PADI2: variants seen among roughly 807,000 people sequenced by gnomAD.
PADI2 encodes protein-arginine deiminase type-2.
Under a neutral mutation model 81.1 loss-of-function variants are expected in PADI2, and 70 were observed. That is an observed-to-expected ratio of 0.86 (90% CI 0.71 to 1.05). The LOEUF (loss-of-function observed/expected upper bound fraction) is 1.05. Ranked by LOEUF, PADI2 falls within the 50% of genes least tolerant of loss-of-function variation. PADI2 has a pLI of 0.00. For synonymous variants in PADI2, 338 were observed against 358.0 expected (o/e 0.94, Z 0.63); for missense variants, 853 against 889.9 (o/e 0.96, Z 0.53).
Position 17,104,939 on chromosome 1 carries a change from G to T in PADI2, c.215C>A (p.Ser72Ter). ...GGTGACCCGCAGGGTGGTGCTGGGC[G>T]AGAGAAGCCAGCGCTGCTTGCCATT... ...ATNGKQRWLL[S>*]PSTTLRVTMS... The change falls in exon 2 of 16, where the codon TCG (serine) becomes TAG (stop). Residue 72 changes from serine (S) to a stop codon, truncating the protein, a stop_gained. Coordinates refer to ENST00000375486, the MANE Select transcript of PADI2 (RefSeq NM_007365.3). LOFTEE classifies it high-confidence loss of function. 1 of 1,606,676 alleles carries T rather than the reference G, an allele frequency of 6.2e-7. No homozygotes were observed. Among genetic ancestry groups the T allele is most frequent in the Non-Finnish European group, 8.5e-7 (1 of 1,178,538 alleles).
At chr1:17,088,672 GC>G (rs139593549) in intron 6 of PADI2, among the ~76,000 whole-genome samples, 3,061 of 152,196 alleles carry the variant, frequency 0.02, 95 homozygotes, top group African/African-American at 0.069. Flanking sequence ...ACTTTGGGAT[GC>G]TGAGGCGGGC....
chr1:17,081,045 C>A (rs539401316), intron 10 of PADI2, among the ~76,000 whole-genome samples: 1 of 152,294 alleles, frequency 6.6e-6, no homozygotes, highest in East Asian at 1.9e-4. Flanking sequence ...CTGGCCTGGG[C>A]CTCAAGGAAC....
At chr1:17,075,640 T>C (rs3818034) in intron 12 of PADI2, 39 bp downstream of exon 12, 998,175 of 1,577,790 alleles carry the variant, frequency 0.63, 319,014 homozygotes, top group Middle Eastern at 0.71. Context: ...ATTGGTTTGC[T>C]GCTACCCCAT....
intron 1 of PADI2, among the ~76,000 whole-genome samples, chr1:17,112,700 A>C (rs1022579): frequency 0.79 from 120,784 of 152,046 alleles, 48,844 homozygotes; most frequent in South Asian, 0.96. Flanking sequence ...GGAGGCAAAC[A>C]ATGACGTCTG....
At chr1:17,076,068 C>T (rs1264811311) in intron 11 of PADI2, among the ~76,000 whole-genome samples, 2 of 152,128 alleles carry the variant, frequency 1.3e-5, no homozygotes, top group Admixed American at 6.5e-5. Context: ...AGGCTTCAGC[C>T]CTTGAGGGTG....
chr1:17,085,544 A>C (rs940268838), intron 7 of PADI2, among the ~76,000 whole-genome samples: 1 of 152,180 alleles, frequency 6.6e-6, no homozygotes, highest in African/African-American at 2.4e-5. Flanking sequence ...GTAGAACTTC[A>C]CAAGTTTGGA....
Position 17,103,204 on chromosome 1 carries a change from G to T in PADI2, c.277-145C>A, listed in dbSNP as rs1236544374. On this transcript the variant is annotated intron_variant, in intron 2 of 15. Transcript: ENST00000375486. ...ACATCAGAACCCTCTCCTCCAGGAAGAACTCCTGGGTTGGTGGGCGGTTTC... is the reference window on the plus strand; with the variant it reads ...ACATCAGAACCCTCTCCTCCAGGAATAACTCCTGGGTTGGTGGGCGGTTTC... The T allele has an allele frequency of 4.6e-6, 3 of 648,760 alleles. No homozygotes were observed. In the East Asian group the frequency reaches 8.4e-5, roughly 18 times the overall value. 40.2% of individuals were successfully genotyped at this position (648,760 alleles called of 1,614,324 possible).
At chr1:17,112,846 C>T (rs1931631969) in intron 1 of PADI2, among the ~76,000 whole-genome samples, 1 of 152,236 alleles carries the variant, frequency 6.6e-6, no homozygotes, top group South Asian at 2.1e-4. Context: ...AGAACAAAGT[C>T]CAATGTCTGA....
intron 10 of PADI2, among the ~76,000 whole-genome samples, chr1:17,080,381 A>C (rs2746529): frequency 0.56 from 84,486 of 151,990 alleles, 23,695 homozygotes; most frequent in Non-Finnish European, 0.59. Context: ...AACTCTTTGA[A>C]TTCTCCCTGT....
chr1:17,074,724 C>G (rs2078288704), intron 13 of PADI2, 132 bp downstream of exon 13: 1 of 598,362 alleles, frequency 1.7e-6, no homozygotes, highest in African/African-American at 1.9e-5. Flanking sequence ...TCACAAACCC[C>G]CGATCGGGCC....
At chr1:17,104,626 G>T (rs2101605728) in intron 2 of PADI2, among the ~76,000 whole-genome samples, 1 of 151,686 alleles carries the variant, frequency 6.6e-6, no homozygotes, top group East Asian at 2.0e-4. Context: ...GTAGAGACAG[G>T]GTTTCACCGT....
chr1:17,114,540 TA>T, intron 1 of PADI2, among the ~76,000 whole-genome samples: 1 of 152,160 alleles, frequency 6.6e-6, no homozygotes. Flanking sequence ...TTTAAATACG[TA>T]AATTATTACA....
intron 1 of PADI2, among the ~76,000 whole-genome samples, chr1:17,111,947 G>A (rs1931593137): frequency 6.6e-6 from 1 of 152,130 alleles, no homozygotes; most frequent in African/African-American, 2.4e-5. Context: ...AGAGTGGTGG[G>A]AGCAGGGATT....
At position 17,084,601 on chromosome 1, in the gene PADI2, G is replaced by A; in HGVS notation, c.936C>T (p.Cys312=). The part of the protein sequence containing the change: ...NILPPVSVFV[C]CMKDNYLFLK... ...TCCAGGCTGGGGTCACCCCTTACCA[G>A]CACACAAACACCGACACGGGAGGCA... The change falls in exon 8 of 16, where the codon TGC becomes TGT. Residue 312 remains cysteine (C), a splice_region_variant and synonymous_variant. Coordinates refer to ENST00000375486, the MANE Select transcript of PADI2 (RefSeq NM_007365.3). 4 of 1,576,308 alleles carry A rather than the reference G, an allele frequency of 2.5e-6. No homozygotes were observed. The highest frequency in any genetic ancestry group is 3.4e-6 in the Non-Finnish European group (4 of 1,159,792).
At chr1:17,104,728 C>T (rs2647170) in intron 2 of PADI2, 150 bp downstream of exon 2, 7,712 of 598,930 alleles carry the variant, frequency 0.013, 151 homozygotes, top group African/African-American at 0.063. Context: ...CTACTGCGCC[C>T]GGCCTCTTTT....
At chr1:17,088,735 C>T (rs918205520) in intron 6 of PADI2, among the ~76,000 whole-genome samples, 2 of 151,754 alleles carry the variant, frequency 1.3e-5, no homozygotes, top group African/African-American at 4.8e-5. Context: ...AGTGAAACCC[C>T]GTCTCTACTA....
At chr1:17,084,772 A>G (rs2078373220) in intron 7 of PADI2, 70 bp from the exon 8 acceptor site, 1 of 923,006 alleles carries the variant, frequency 1.1e-6, no homozygotes, top group Non-Finnish European at 1.7e-6. Flanking sequence ...TGCCTTTCAA[A>G]GCGGGTGAAA....
intron 10 of PADI2, among the ~76,000 whole-genome samples, chr1:17,081,252 A>G (rs1407404926): frequency 1.3e-5 from 2 of 152,246 alleles, no homozygotes; most frequent in African/African-American, 4.8e-5. Flanking sequence ...AACAACAGCT[A>G]ATAATGGTCA....
At chr1:17,075,362 T>G in intron 12 of PADI2, 1 of 368,330 alleles carries the variant, frequency 2.7e-6, no homozygotes. Flanking sequence ...ATTGAACACT[T>G]GAGCTGTGGC....
Sources: gnomAD v4.1 joint callset for allele counts (sites outside exome capture counted in the v4.1 genomes callset) on GRCh38, gnomAD v4.1.1 for gene constraint, MANE v1.5 for transcripts, NCBI Gene and HGNC (gene_info 2026-07-23, HGNC 2026-07-21) for gene names.